The following PRKD1 variants were observed in gnomAD, a reference collection of about 807,000 sequenced individuals.
PRKD1 encodes protein kinase D1, also known as serine/threonine-protein kinase D1.
In PRKD1, 63 loss-of-function variants were observed where a neutral mutation model predicts 95.9. That is an observed-to-expected ratio of 0.66 (90% CI 0.54 to 0.81). PRKD1 has a LOEUF of 0.81. Among genes scored for constraint, PRKD1 ranks in the 30% least tolerant of loss-of-function variants. PRKD1 has a pLI of 0.00. For synonymous variants in PRKD1, 425 were observed against 423.1 expected (o/e 1.00, Z -0.05); for missense variants, 1,048 against 1,165.3 (o/e 0.90, Z 1.47).
At chr14:29,752,681 C>A (rs1043180407) in intron 1 of PRKD1, among the ~76,000 whole-genome samples, 2 of 151,908 alleles carry the variant, frequency 1.3e-5, no homozygotes. Flanking sequence ...GAGGGCATCA[C>A]CAACTTAATA....
At chr14:29,742,083 T>G (rs1235355317) in intron 1 of PRKD1, among the ~76,000 whole-genome samples, 21 of 152,182 alleles carry the variant, frequency 1.4e-4, no homozygotes, top group Admixed American at 1.4e-3. Flanking sequence ...TTCTTTGTAC[T>G]GATAAGTGGA....
intron 1 of PRKD1, among the ~76,000 whole-genome samples, chr14:29,745,244 T>C (rs1887158970): frequency 6.6e-6 from 1 of 152,200 alleles, no homozygotes; most frequent in African/African-American, 2.4e-5. Context: ...CCTACACTTC[T>C]ATGATATATC....
intron 1 of PRKD1, among the ~76,000 whole-genome samples, chr14:29,925,584 C>T (rs1434328562): frequency 6.6e-6 from 1 of 152,058 alleles, no homozygotes; most frequent in South Asian, 2.1e-4. Context: ...TTTAAAATCC[C>T]ACTACCAAAC....
intron 4 of PRKD1, among the ~76,000 whole-genome samples, chr14:29,651,495 G>C (rs1464844167): frequency 1.3e-5 from 2 of 151,980 alleles, no homozygotes; most frequent in African/African-American, 4.8e-5. Context: ...ATGTCTAAGG[G>C]GTTCAGTAAA....
intron 3 of PRKD1, among the ~76,000 whole-genome samples, chr14:29,665,169 G>C (rs1299287983): frequency 2.6e-5 from 4 of 152,172 alleles, no homozygotes; most frequent in African/African-American, 9.6e-5. Context: ...GGGAGATACT[G>C]CTACACTATT....
chr14:29,618,989 G>A (rs189480341), intron 13 of PRKD1, among the ~76,000 whole-genome samples: 41 of 152,294 alleles, frequency 2.7e-4, no homozygotes, highest in African/African-American at 8.2e-4. Context: ...GAGGAAGGGG[G>A]AGGGCAAAAC....
chr14:29,781,327 A>T (rs1889034745), intron 1 of PRKD1, among the ~76,000 whole-genome samples: 1 of 152,156 alleles, frequency 6.6e-6, no homozygotes, highest in South Asian at 2.1e-4. Context: ...ACTGGAAACC[A>T]AGTTGGATGT....
chr14:29,888,746 A>C (rs1185819470), intron 1 of PRKD1, among the ~76,000 whole-genome samples: 1 of 152,210 alleles, frequency 6.6e-6, no homozygotes, highest in Non-Finnish European at 1.5e-5. Flanking sequence ...TCAGCTCCTC[A>C]ATAATGCAGA....
intron 1 of PRKD1, among the ~76,000 whole-genome samples, chr14:29,728,804 T>C (rs913559571): frequency 2.6e-5 from 4 of 152,126 alleles, no homozygotes; most frequent in East Asian, 3.9e-4. Flanking sequence ...AGAAGCAGCA[T>C]TGTTGGGTCA....
At chr14:29,884,083 G>C (rs1249943161) in intron 1 of PRKD1, among the ~76,000 whole-genome samples, 1 of 152,196 alleles carries the variant, frequency 6.6e-6, no homozygotes, top group African/African-American at 2.4e-5. Context: ...AATATGTGCA[G>C]TGTGATCTCC....
Position 29,685,721 on chromosome 14 carries a change from T to C in PRKD1, c.404-19513A>G, listed in dbSNP as rs151182438. On this transcript the variant is annotated intron_variant, in intron 2 of 17. Coordinates refer to ENST00000331968, the MANE Select transcript of PRKD1 (RefSeq NM_002742.3). ...ACTCAAAGAATGAGCAAAAGATGTA[T>C]CTTTATCCTCATCTGTGTGTGTGTG... 4.9e-4 allele frequency among the ~76,000 whole-genome samples: 68 copies of C among 138,500 alleles called. No homozygotes were observed. In the East Asian group the frequency reaches 0.012, roughly 25 times the overall value. The allele number at this position is 138,500 out of a possible 152,430, so 90.9% of individuals were successfully genotyped here. A position where few individuals can be genotyped will look rare whatever the true frequency, so the allele number is the denominator to read the frequency against.
At position 29,655,651 on chromosome 14, in the gene PRKD1, C is replaced by T. The variant is rs371662602; in HGVS notation, c.696+8048G>A. ...ACTTGACCTAAATACTTCTCCTCCA[C>T]GTTCACATCATTCATTGCTTAAAAT... On this transcript the variant is annotated intron_variant, in intron 4 of 17. Coordinates refer to ENST00000331968, the MANE Select transcript of PRKD1 (RefSeq NM_002742.3). Among the ~76,000 whole-genome samples the T allele has an allele frequency of 1.1e-4, 16 of 152,230 alleles. No individual in the cohort carries two copies. In the East Asian group the frequency reaches 2.5e-3, roughly 24 times the overall value.
chr14:29,616,448 T>C, intron 13 of PRKD1, among the ~76,000 whole-genome samples: 1 of 35,122 alleles, frequency 2.8e-5, no homozygotes, highest in Non-Finnish European at 9.0e-5. Context: ...CGTTTATGGT[T>C]TTTTTTTTTC....
chr14:29,778,042 C>T (rs1233822214), intron 1 of PRKD1, among the ~76,000 whole-genome samples: 1 of 152,224 alleles, frequency 6.6e-6, no homozygotes, highest in East Asian at 1.9e-4. Flanking sequence ...TCCTGAATGA[C>T]TACTGGGTAG....
chr14:29,777,460 A>C (rs1393796086), intron 1 of PRKD1, among the ~76,000 whole-genome samples: 4 of 152,228 alleles, frequency 2.6e-5, no homozygotes, highest in African/African-American at 4.8e-5. Flanking sequence ...TCTACCAAGC[A>C]AATGGAAAAC....
intron 13 of PRKD1, among the ~76,000 whole-genome samples, chr14:29,605,389 T>C (rs1281024059): frequency 6.6e-6 from 1 of 152,158 alleles, no homozygotes; most frequent in African/African-American, 2.4e-5. Context: ...CACCCAAATA[T>C]CCACCCTTTT....
At chr14:29,776,672 T>C (rs1420665061) in intron 1 of PRKD1, among the ~76,000 whole-genome samples, 1 of 152,198 alleles carries the variant, frequency 6.6e-6, no homozygotes, top group East Asian at 1.9e-4. Context: ...ATCTGATTGC[T>C]GTACCTGAAA....
At chr14:29,611,142 G>T (rs1020732915) in intron 13 of PRKD1, among the ~76,000 whole-genome samples, 6 of 152,112 alleles carry the variant, frequency 3.9e-5, no homozygotes, top group African/African-American at 1.4e-4. Context: ...GTAAACTATG[G>T]ACTTCAGGTA....
intron 1 of PRKD1, among the ~76,000 whole-genome samples, chr14:29,782,717 T>C (rs1889104049): frequency 6.6e-6 from 1 of 151,656 alleles, no homozygotes; most frequent in African/African-American, 2.4e-5. Context: ...TTTTTTTTCT[T>C]TTTTTTTGGT....
Sources: allele counts gnomAD v4.1 joint callset (sites outside exome capture counted in the v4.1 genomes callset), GRCh38; gene constraint gnomAD v4.1.1; transcripts MANE v1.5; gene names NCBI Gene and HGNC (gene_info 2026-07-23, HGNC 2026-07-21).